NRK: variants seen among roughly 807,000 people sequenced by gnomAD.
NRK encodes nik-related protein kinase.
Under a neutral mutation model 125.2 loss-of-function variants are expected in NRK, and 67 were observed. The ratio of observed to expected loss-of-function variants is 0.54; its 90% confidence interval spans 0.44 to 0.66. NRK has a LOEUF of 0.66. Ranked by LOEUF, NRK falls within the 30% of genes least tolerant of loss-of-function variation. The pLI is 0.00. For synonymous variants in NRK, 458 were observed against 429.0 expected (o/e 1.07, Z -0.84); for missense variants, 1,224 against 1,192.9 (o/e 1.03, Z -0.38).
At chrX:105,924,460 A>G (rs1006102416) in intron 18 of NRK, among the ~76,000 whole-genome samples, 18 of 111,856 alleles carry the variant, frequency 1.6e-4, no homozygotes, top group Admixed American at 6.7e-4. Flanking sequence ...TCCCTCTGCC[A>G]TCCAAATGCA....
intron 22 of NRK, among the ~76,000 whole-genome samples, chrX:105,938,189 C>T (rs1442813284): frequency 2.7e-5 from 3 of 111,181 alleles, no homozygotes; most frequent in Non-Finnish European, 5.7e-5. Flanking sequence ...CAGGAAAGCA[C>T]CAACATTAAA....
rs1173583023 is a variant in NRK at position 105,947,337 on chromosome X, G to C, written c.4353+873G>C. On this transcript the variant is annotated intron_variant, in intron 26 of 28. Coordinates refer to ENST00000243300, the MANE Select transcript of NRK (RefSeq NM_198465.4). ...GGGCGCCTGTAGTCCCAGCTCCTTG[G>C]GAGGCTGAGGCAGGAGAATGGCGTG... Among the ~76,000 whole-genome samples, 35 of 75,158 alleles carry C rather than the reference G, an allele frequency of 4.7e-4. 9 individuals are homozygous for C. The highest frequency in any genetic ancestry group is 9.2e-5 in the Non-Finnish European group (4 of 43,472). 65.3% of individuals were successfully genotyped at this position (75,158 alleles called of 115,157 possible). A position where few individuals can be genotyped will look rare whatever the true frequency, so the allele number is the denominator to read the frequency against.
At chrX:105,892,781 A>G (rs1269343048) in intron 5 of NRK, among the ~76,000 whole-genome samples, 1 of 111,791 alleles carries the variant, frequency 8.9e-6, no homozygotes, top group Non-Finnish European at 1.9e-5. Flanking sequence ...ATGCAATAAT[A>G]TCAATGGTGA....
chrX:105,887,793 G>A (rs1489098330), intron 4 of NRK, among the ~76,000 whole-genome samples: 1 of 111,743 alleles, frequency 8.9e-6, no homozygotes, highest in African/African-American at 3.3e-5. Context: ...TAGAGTTGGG[G>A]TGTGTGTGTG....
chrX:105,905,161 C>G (rs2040204399), intron 9 of NRK, 104 bp from the exon 10 acceptor site: 1 of 576,817 alleles, frequency 1.7e-6, no homozygotes, highest in African/African-American at 2.3e-5. Flanking sequence ...AGTGTCTACT[C>G]AACATAATAT....
chrX:105,898,810 C>A, intron 8 of NRK, 96 bp downstream of exon 8: 1 of 706,713 alleles, frequency 1.4e-6, no homozygotes, highest in Non-Finnish European at 2.0e-6. Context: ...AAAAAGCAGG[C>A]AGCTCCACAT....
Position 105,952,960 on chromosome X carries a change from G to T in NRK, c.4514-74G>T, listed in dbSNP as rs777485636. 16 of 848,612 alleles carry T rather than the reference G, an allele frequency of 1.9e-5. No individual in the cohort carries two copies. In the African/African-American group the frequency reaches 2.9e-4, roughly 15 times the overall value. The allele number at this position is 848,612 out of a possible 1,213,427, so 69.9% of individuals were successfully genotyped here. On this transcript the variant is annotated intron_variant, in intron 27 of 28. Coordinates refer to ENST00000243300, the MANE Select transcript of NRK (RefSeq NM_198465.4). ...ATGAGCCTCTTAATAAACAAACATT[G>T]ACTGTAGTTATAATTTTCTATGATG...
intron 19 of NRK, among the ~76,000 whole-genome samples, chrX:105,928,710 A>C (rs1602684027): frequency 9.0e-6 from 1 of 111,304 alleles, no homozygotes; most frequent in East Asian, 2.8e-4. Flanking sequence ...GCTTCAAATA[A>C]TTTCTTAATT....
chrX:105,926,965 G>A (rs967281649), intron 19 of NRK, among the ~76,000 whole-genome samples: 10 of 110,919 alleles, frequency 9.0e-5, no homozygotes, highest in African/African-American at 2.9e-4. Flanking sequence ...GCTATTCTAG[G>A]TCTTTTTTGG....
chrX:105,937,495 A>C lies in NRK; in HGVS notation c.3712A>C (p.Lys1238Gln), dbSNP rs1157744803. Residue 1238 changes from lysine to glutamine, a missense_variant, in exon 22 of 29, where the codon AAG becomes CAG. Transcript: ENST00000243300. ...SNLYLMDRSGKADITKLIRRR... is the reference protein window; with the variant it reads ...SNLYLMDRSGQADITKLIRRR... ...TCTATATCTGATGGACAGAAGTGGA[A>C]AGGCTGACATTACTAAACTTATAAG... 8.4e-7 allele frequency: 1 copy of C among 1,193,561 alleles called. No homozygotes were observed. Among genetic ancestry groups the C allele is most frequent in the African/African-American group, 1.8e-5 (1 of 56,754 alleles).
intron 26 of NRK, chrX:105,948,582 C>A: frequency 2.2e-6 from 1 of 456,479 alleles, no homozygotes; most frequent in Non-Finnish European, 3.8e-6. Flanking sequence ...AGACAACCTT[C>A]TTTCCTGCAA....
At chrX:105,921,094 A>G (rs2040437705) in intron 16 of NRK, among the ~76,000 whole-genome samples, 1 of 99,850 alleles carries the variant, frequency 1.0e-5, no homozygotes, top group African/African-American at 3.7e-5. Flanking sequence ...ATGTCCAACA[A>G]TGATAGACTG....
chrX:105,898,547 CTGAT>C, intron 7 of NRK, 33 bp from the exon 8 acceptor site: 1 of 1,159,917 alleles, frequency 8.6e-7, no homozygotes, highest in Non-Finnish European at 1.2e-6. Flanking sequence ...CTTTTTTCTC[CTGAT>C]TGATTATTTT....
chrX:105,882,118 G>A (rs2039891180), intron 4 of NRK, among the ~76,000 whole-genome samples: 1 of 110,688 alleles, frequency 9.0e-6, no homozygotes. Context: ...AGCAAATTTT[G>A]CCTAAAATTG....
chrX:105,880,291 G>A (rs376596770), intron 3 of NRK, 36 bp downstream of exon 3: 10 of 642,388 alleles, frequency 1.6e-5, no homozygotes, highest in African/African-American at 9.2e-5. Flanking sequence ...TCTTCCCTTA[G>A]TGGACTGTGT....
chrX:105,866,165 T>C (rs2039668001), intron 2 of NRK, among the ~76,000 whole-genome samples: 1 of 111,721 alleles, frequency 9.0e-6, no homozygotes, highest in African/African-American at 3.2e-5. Context: ...ATTAAAAATC[T>C]ATTAGAATAT....
intron 2 of NRK, among the ~76,000 whole-genome samples, chrX:105,874,029 T>C (rs1346620308): frequency 2.7e-5 from 3 of 112,084 alleles, no homozygotes; most frequent in Non-Finnish European, 5.6e-5. Context: ...TAATGCCCTA[T>C]TGTTTTTTTT....
chrX:105,841,515 G>A (rs1333655742), intron 2 of NRK, among the ~76,000 whole-genome samples: 1 of 111,369 alleles, frequency 9.0e-6, no homozygotes, highest in African/African-American at 3.3e-5. Context: ...TTTTGGGTTT[G>A]TCCTTCTTAG....
intron 2 of NRK, among the ~76,000 whole-genome samples, chrX:105,868,610 T>G (rs985855735): frequency 5.4e-5 from 6 of 111,054 alleles, no homozygotes; most frequent in Non-Finnish European, 7.6e-5. Context: ...TGTAGTTGGA[T>G]TCTATTATTC....
Sources: allele counts gnomAD v4.1 joint callset (sites outside exome capture counted in the v4.1 genomes callset), GRCh38; gene constraint gnomAD v4.1.1; transcripts MANE v1.5; gene names NCBI Gene and HGNC (gene_info 2026-07-23, HGNC 2026-07-21).